Variants in AKAP19 observed in about 807,000 individuals in gnomAD.
AKAP19 encodes small A-kinase anchoring protein.
the AKAP19 span, among the ~76,000 whole-genome samples, chr2:189,932,407 CA>C: frequency 0.073 from 9,026 of 123,842 alleles, 408 homozygotes; most frequent in African/African-American, 0.15. Flanking sequence ...GACTCCAACT[CA>C]AAAAAAAAAA....
chr2:190,126,627 T>C, the AKAP19 span, among the ~76,000 whole-genome samples: 1 of 152,160 alleles, frequency 6.6e-6, no homozygotes, highest in Non-Finnish European at 1.5e-5. Context: ...TGGTGATTAA[T>C]TTACTTATCT....
At chr2:190,194,475 TATAC>T in the AKAP19 span, among the ~76,000 whole-genome samples, 154 of 126,906 alleles carry the variant, frequency 1.2e-3, 1 homozygote, top group African/African-American at 3.0e-3. Flanking sequence ...GTATCCTGTG[TATAC>T]ACACACACAC....
chr2:190,175,674 G>A, the AKAP19 span, among the ~76,000 whole-genome samples: 547 of 152,312 alleles, frequency 3.6e-3, 1 homozygote, highest in African/African-American at 0.012. Context: ...ACATAAGGAA[G>A]ATAATGTCAA....
chr2:190,201,860 C>T, the AKAP19 span: 4 of 167,042 alleles, frequency 2.4e-5, no homozygotes, highest in African/African-American at 9.6e-5. Flanking sequence ...ATTTCCAGGT[C>T]ATGAAGAGTA....
chr2:190,005,240 C>T, the AKAP19 span, among the ~76,000 whole-genome samples: 9 of 152,294 alleles, frequency 5.9e-5, no homozygotes, highest in South Asian at 2.1e-4. Flanking sequence ...ACCAGGTTGC[C>T]GCAGCTGGCT....
chr2:189,965,789 C>T, the AKAP19 span, among the ~76,000 whole-genome samples: 1 of 152,188 alleles, frequency 6.6e-6, no homozygotes, highest in Admixed American at 6.5e-5. Context: ...TCCAGCAATC[C>T]CACTACTAGG....
At chr2:190,057,369 G>A in the AKAP19 span, 2 of 1,613,612 alleles carry the variant, frequency 1.2e-6, no homozygotes, top group Middle Eastern at 1.7e-4. Context: ...TGGGAGTACA[G>A]CAAGGGCCTG....
chr2:190,181,233 A>G, the AKAP19 span: 1 of 838,316 alleles, frequency 1.2e-6, no homozygotes, highest in South Asian at 5.4e-5. Flanking sequence ...GGCTTTAATT[A>G]AACGAGACCG....
the AKAP19 span, among the ~76,000 whole-genome samples, chr2:189,937,208 G>T: frequency 6.6e-6 from 1 of 152,100 alleles, no homozygotes; most frequent in Non-Finnish European, 1.5e-5. Context: ...GTTATATGGA[G>T]ACAGGAGTGA....
chr2:190,160,531 C>T, the AKAP19 span, among the ~76,000 whole-genome samples: 1 of 152,028 alleles, frequency 6.6e-6, no homozygotes, highest in Non-Finnish European at 1.5e-5. Context: ...TAAAACATGA[C>T]TAAATGAAAC....
At chr2:190,103,282 A>C in the AKAP19 span, among the ~76,000 whole-genome samples, 1 of 152,220 alleles carries the variant, frequency 6.6e-6, no homozygotes, top group East Asian at 1.9e-4. Flanking sequence ...AAGTGGAACA[A>C]GACAAGGATG....
the AKAP19 span, among the ~76,000 whole-genome samples, chr2:190,021,241 T>C: frequency 6.6e-6 from 1 of 151,686 alleles, no homozygotes; most frequent in South Asian, 2.1e-4. Context: ...ATCATTTTAT[T>C]ATTTATACTT....
At chr2:190,113,062 A>C in the AKAP19 span, among the ~76,000 whole-genome samples, 4 of 151,948 alleles carry the variant, frequency 2.6e-5, no homozygotes, top group Non-Finnish European at 2.9e-5. Flanking sequence ...CTGTTTCATC[A>C]ATTTTTTTTT....
chr2:190,028,277 G>T, the AKAP19 span, among the ~76,000 whole-genome samples: 1 of 152,052 alleles, frequency 6.6e-6, no homozygotes, highest in Non-Finnish European at 1.5e-5. Context: ...ATAAGCATTA[G>T]AAAAATGAAG....
At chr2:190,109,938 T>C in the AKAP19 span, among the ~76,000 whole-genome samples, 10 of 152,212 alleles carry the variant, frequency 6.6e-5, no homozygotes, top group Admixed American at 5.9e-4. Context: ...AACTTTAGTA[T>C]GCATCAGGAT....
At chr2:190,056,984 C>T in the AKAP19 span, 16 of 364,964 alleles carry the variant, frequency 4.4e-5, no homozygotes, top group South Asian at 3.4e-4. Flanking sequence ...ATTTCCTCGC[C>T]GATGTTGTAA....
chr2:189,911,888 GT>G, the AKAP19 span, among the ~76,000 whole-genome samples: 48 of 149,812 alleles, frequency 3.2e-4, no homozygotes, highest in Middle Eastern at 3.6e-3. Context: ...TCTACTCCTA[GT>G]TTTTTTTTCT....
At chr2:189,996,330 C>A in the AKAP19 span, among the ~76,000 whole-genome samples, 1 of 152,040 alleles carries the variant, frequency 6.6e-6, no homozygotes, top group Non-Finnish European at 1.5e-5. Flanking sequence ...CGGGTTAATT[C>A]AAAAACCTTC....
At chr2:189,917,513 T>C in the AKAP19 span, 1 of 614,506 alleles carries the variant, frequency 1.6e-6, no homozygotes, top group Non-Finnish European at 2.9e-6. Flanking sequence ...CTCTTCTGCT[T>C]TCTTTTTTCT....
Sources: gnomAD v4.1 joint callset for allele counts (sites outside exome capture counted in the v4.1 genomes callset) on GRCh38, gnomAD v4.1.1 for gene constraint, MANE v1.5 for transcripts, NCBI Gene and HGNC (gene_info 2026-07-23, HGNC 2026-07-21) for gene names.